Variants in DGKB observed in about 807,000 individuals in gnomAD.
The protein encoded by DGKB is diacylglycerol kinase beta.
DGKB carries 67 observed loss-of-function variants against 114.3 expected under a neutral mutation model. The observed-to-expected ratio is 0.59, with a 90% confidence interval of 0.48 to 0.72. The LOEUF (loss-of-function observed/expected upper bound fraction) is 0.72, where lower values mean the gene tolerates loss of function less well. Among genes scored for constraint, DGKB ranks in the 30% least tolerant of loss-of-function variants. The pLI is 0.00. For synonymous variants in DGKB, 398 were observed against 323.1 expected (o/e 1.23, Z -2.49); for missense variants, 907 against 975.2 (o/e 0.93, Z 0.93).
At chr7:14,340,074 G>GC (rs1433458272) in intron 22 of DGKB, among the ~76,000 whole-genome samples, 1 of 151,220 alleles carries the variant, frequency 6.6e-6, no homozygotes, top group African/African-American at 2.4e-5. Context: ...AGACTACTTG[G>GC]CAGGGGTAGA....
intron 12 of DGKB, among the ~76,000 whole-genome samples, 161 bp from the exon 13 acceptor site, chr7:14,673,188 T>A (rs1169176991): frequency 3.3e-5 from 5 of 151,910 alleles, no homozygotes; most frequent in Non-Finnish European, 5.9e-5. Flanking sequence ...AATACATTTG[T>A]CCTTATATAT....
At chr7:14,522,976 C>T (rs143003045) in intron 20 of DGKB, among the ~76,000 whole-genome samples, 1 of 152,186 alleles carries the variant, frequency 6.6e-6, no homozygotes, top group East Asian at 1.9e-4. Flanking sequence ...TGAATGTAAA[C>T]CCAACTTTTT....
chr7:14,648,604 G>A (rs1351055685), intron 13 of DGKB, among the ~76,000 whole-genome samples: 1 of 152,156 alleles, frequency 6.6e-6, no homozygotes, highest in Non-Finnish European at 1.5e-5. Flanking sequence ...TCCTCCAAAG[G>A]AATGCAGTTC....
chr7:14,500,999 T>A (rs1786082886), intron 20 of DGKB, among the ~76,000 whole-genome samples: 1 of 151,902 alleles, frequency 6.6e-6, no homozygotes, highest in Non-Finnish European at 1.5e-5. Flanking sequence ...ATTTAAAGTT[T>A]TAAGGCAAAA....
chr7:14,282,838 A>C (rs2128458182), intron 23 of DGKB, among the ~76,000 whole-genome samples: 1 of 152,248 alleles, frequency 6.6e-6, no homozygotes, highest in South Asian at 2.1e-4. Flanking sequence ...ACGCTCAATA[A>C]ATTAGGTATT....
chr7:14,514,248 C>G (rs1418675562), intron 20 of DGKB, among the ~76,000 whole-genome samples: 1 of 151,856 alleles, frequency 6.6e-6, no homozygotes, highest in Non-Finnish European at 1.5e-5. Context: ...TGATACATTT[C>G]CCCCCAAAAT....
intron 23 of DGKB, among the ~76,000 whole-genome samples, chr7:14,228,092 G>C (rs1181412882): frequency 6.6e-6 from 1 of 151,958 alleles, no homozygotes; most frequent in Non-Finnish European, 1.5e-5. Context: ...GAGAATTTCT[G>C]GCTTTGACGA....
chr7:14,198,045 T>C (rs1421751159), intron 23 of DGKB, among the ~76,000 whole-genome samples: 1 of 151,946 alleles, frequency 6.6e-6, no homozygotes, highest in Non-Finnish European at 1.5e-5. Context: ...TGTTTCAGAG[T>C]TGACCTTCAC....
At position 14,823,125 on chromosome 7, in the gene DGKB, A is replaced by T. The variant is rs188924334; in HGVS notation, c.70+18069T>A. The stretch of plus-strand genomic sequence containing the variant: ...TATCTTTGTATGTTAAAAGAAAATT[A>T]AGTTAAAAAAACTATTCAAAATTTG... On this transcript the variant is annotated intron_variant, in intron 2 of 25. Transcript: ENST00000402815. Among the ~76,000 whole-genome samples, 15 of 151,956 alleles carry T rather than the reference A, an allele frequency of 9.9e-5. 1 individual carries two copies. The East Asian group carries it at 2.7e-3, about 28-fold the overall frequency.
At chr7:14,196,260 C>G (rs956926243) in intron 23 of DGKB, among the ~76,000 whole-genome samples, 1 of 152,048 alleles carries the variant, frequency 6.6e-6, no homozygotes, top group Non-Finnish European at 1.5e-5. Flanking sequence ...ATTGCCTCAC[C>G]ATTTAAAGAT....
chr7:14,951,476 GT>G (rs1255297991), intron 1 of DGKB, among the ~76,000 whole-genome samples: 2 of 151,998 alleles, frequency 1.3e-5, no homozygotes, highest in Non-Finnish European at 2.9e-5. Flanking sequence ...AAAAACATCA[GT>G]GGGTTGCAGA....
chr7:14,578,573 C>G (rs1799496502), intron 19 of DGKB, among the ~76,000 whole-genome samples: 1 of 152,126 alleles, frequency 6.6e-6, no homozygotes, highest in South Asian at 2.1e-4. Context: ...AATTCCTAAC[C>G]AATCCACTGG....
intron 2 of DGKB, among the ~76,000 whole-genome samples, chr7:14,830,527 G>A (rs1286393832): frequency 6.6e-6 from 1 of 151,968 alleles, no homozygotes; most frequent in East Asian, 1.9e-4. Flanking sequence ...TTCCTTTCCT[G>A]ATATCCTACC....
chr7:14,808,624 G>A (rs951205273), intron 2 of DGKB, among the ~76,000 whole-genome samples: 3 of 152,106 alleles, frequency 2.0e-5, no homozygotes, highest in African/African-American at 7.2e-5. Context: ...AAAAATGAAT[G>A]CAGCAGAAGA....
intron 25 of DGKB, among the ~76,000 whole-genome samples, chr7:14,168,899 T>G (rs994062850): frequency 6.6e-6 from 1 of 152,238 alleles, no homozygotes; most frequent in Non-Finnish European, 1.5e-5. Context: ...ATTTTATTTT[T>G]AGTATGTATG....
rs191451482 is a variant in DGKB, at chr7:14,785,405, T to G, written c.71-27674A>C. Among the ~76,000 whole-genome samples the G allele has an allele frequency of 4.0e-4, 61 of 152,266 alleles. No individual in the cohort carries two copies. The East Asian group carries it at 0.011, about 27-fold the overall frequency. On this transcript the variant is annotated intron_variant, in intron 2 of 25. Transcript: ENST00000402815. ...CTTTGGCTCTTAATATCTATTCACT[T>G]ATAGATTAGTTCATCAAAATCATAT... is the stretch of plus-strand genomic sequence containing the variant.
intron 23 of DGKB, among the ~76,000 whole-genome samples, chr7:14,190,226 T>C (rs1275845883): frequency 2.0e-5 from 3 of 152,130 alleles, no homozygotes; most frequent in Non-Finnish European, 4.4e-5. Context: ...AACTAGAAAT[T>C]AACAAAATAA....
chr7:14,774,316 T>C (rs1837844980), intron 2 of DGKB, among the ~76,000 whole-genome samples: 1 of 152,224 alleles, frequency 6.6e-6, no homozygotes, highest in Non-Finnish European at 1.5e-5. Flanking sequence ...TTGCAAGAAC[T>C]TTGCCTAAGG....
chr7:14,971,409 T>C (rs1330084816), intron 1 of DGKB, among the ~76,000 whole-genome samples: 2 of 152,170 alleles, frequency 1.3e-5, no homozygotes, highest in African/African-American at 4.8e-5. Flanking sequence ...AAAAAGCTTG[T>C]GGTGTATTCT....
Sources: allele counts gnomAD v4.1 joint callset (sites outside exome capture counted in the v4.1 genomes callset), GRCh38; gene constraint gnomAD v4.1.1; transcripts MANE v1.5; gene names NCBI Gene and HGNC (gene_info 2026-07-23, HGNC 2026-07-21).